OSBPL9: variants seen among roughly 807,000 people sequenced by gnomAD.
The protein encoded by OSBPL9 is oxysterol-binding protein-related protein 9.
In OSBPL9, 40 loss-of-function variants were observed where a neutral mutation model predicts 106.6. The ratio of observed to expected loss-of-function variants is 0.38; its 90% confidence interval spans 0.29 to 0.49. OSBPL9 has a LOEUF of 0.49. OSBPL9 is among the 20% of genes least tolerant of loss of function. OSBPL9 has a pLI of 0.97. For missense variants in OSBPL9, 609 were observed against 887.2 expected, an observed-to-expected ratio of 0.69 and a Z score of 3.98; for synonymous variants, 269 against 295.4, an observed-to-expected ratio of 0.91 and a Z score of 0.92.
chr1:51,695,634 A>G (rs1655860716), intron 3 of OSBPL9, among the ~76,000 whole-genome samples: 3 of 152,152 alleles, frequency 2.0e-5, no homozygotes, highest in African/African-American at 7.2e-5. Flanking sequence ...GGATGGGGTG[A>G]GTTTATTTAA....
rs1322033831 is a variant in OSBPL9 at position 51,768,893 on chromosome 1, A to G, written c.938+2912A>G. ...TGAAAGGGTCCAGAGTTAAGTTTTT[A>G]TGTCCAACTAACCCACTCTGTGTTC... On this transcript the variant is annotated intron_variant, in intron 12 of 23. Coordinates refer to ENST00000428468, the MANE Select transcript of OSBPL9 (RefSeq NM_024586.6). 2.6e-5 allele frequency among the ~76,000 whole-genome samples: 4 copies of G among 152,162 alleles called. No homozygotes were observed. In the East Asian group the frequency reaches 7.7e-4, roughly 29 times the overall value.
chr1:51,533,494 A>G, the OSBPL9 span, among the ~76,000 whole-genome samples: 3 of 150,052 alleles, frequency 2.0e-5, no homozygotes, highest in Non-Finnish European at 4.5e-5. Context: ...TCAAAAAAAA[A>G]AAAAAAAAGA....
intron 3 of OSBPL9, among the ~76,000 whole-genome samples, chr1:51,685,817 G>T (rs1159453708): frequency 6.6e-6 from 1 of 152,136 alleles, no homozygotes; most frequent in Non-Finnish European, 1.5e-5. Context: ...ATGTAACACT[G>T]ATACAGCGTA....
At chr1:51,518,383 C>G in the OSBPL9 span, 1 of 152,522 alleles carries the variant, frequency 6.6e-6, no homozygotes, top group Non-Finnish European at 1.5e-5. Context: ...GAGGCCGTTC[C>G]TGGCACCAAG....
At chr1:51,691,684 G>A (rs1655000716) in intron 3 of OSBPL9, among the ~76,000 whole-genome samples, 1 of 151,570 alleles carries the variant, frequency 6.6e-6, no homozygotes, top group Non-Finnish European at 1.5e-5. Flanking sequence ...CAAACATATT[G>A]TATAGTTATA....
At chr1:51,546,335 T>C in the OSBPL9 span, among the ~76,000 whole-genome samples, 1 of 152,024 alleles carries the variant, frequency 6.6e-6, no homozygotes, top group African/African-American at 2.4e-5. Context: ...AAAATATTGA[T>C]GAATATAATG....
chr1:51,781,635 ATAAAT>A (rs1676412352), intron 16 of OSBPL9: 1 of 249,914 alleles, frequency 4.0e-6, no homozygotes, highest in Non-Finnish European at 7.9e-6. Flanking sequence ...TTTGTGAAAA[ATAAAT>A]TGAGAAGGGG....
chr1:51,681,141 A>G (rs1484839216), intron 3 of OSBPL9, among the ~76,000 whole-genome samples: 1 of 152,058 alleles, frequency 6.6e-6, no homozygotes, highest in Non-Finnish European at 1.5e-5. Context: ...ATGTTTTTTC[A>G]GTTTGGAATA....
At chr1:51,593,400 C>T (rs950121099) in intron 1 of OSBPL9, among the ~76,000 whole-genome samples, 2 of 152,132 alleles carry the variant, frequency 1.3e-5, no homozygotes, top group East Asian at 1.9e-4. Context: ...TTCCCACTGC[C>T]TTCAGCAAAA....
rs1670290535 is a variant in OSBPL9, at chr1:51,756,177, G to A, written c.544-143G>A. 4.5e-6 allele frequency: 3 copies of A among 665,756 alleles called. No individual in the cohort carries two copies. In the Admixed American group the frequency reaches 7.7e-5, roughly 17 times the overall value. The allele number at this position is 665,756 out of a possible 1,614,324, so 41.2% of individuals were successfully genotyped here. A position where few individuals can be genotyped will look rare whatever the true frequency, so the allele number is the denominator to read the frequency against. On this transcript the variant is annotated intron_variant, in intron 8 of 23. Coordinates refer to ENST00000428468, the MANE Select transcript of OSBPL9 (RefSeq NM_024586.6). Reference sequence around the variant, plus strand: ...TGTGTTTGGCTAAGAATGTACACATGGAATTAAAATCTTAGTGGAGGCAGA... The same window carrying A: ...TGTGTTTGGCTAAGAATGTACACATAGAATTAAAATCTTAGTGGAGGCAGA...
At chr1:51,713,257 C>A (rs1313340450) in intron 3 of OSBPL9, among the ~76,000 whole-genome samples, 1 of 152,130 alleles carries the variant, frequency 6.6e-6, no homozygotes, top group Non-Finnish European at 1.5e-5. Flanking sequence ...TCAAGTGATT[C>A]TCCTGCCTCA....
At chr1:51,695,414 T>C (rs1471897535) in intron 3 of OSBPL9, among the ~76,000 whole-genome samples, 1 of 152,164 alleles carries the variant, frequency 6.6e-6, no homozygotes, top group Admixed American at 6.5e-5. Flanking sequence ...CCCAATCTCG[T>C]TGGATTCCCA....
intron 2 of OSBPL9, among the ~76,000 whole-genome samples, chr1:51,604,182 T>C (rs1218860418): frequency 6.6e-6 from 1 of 152,200 alleles, no homozygotes; most frequent in African/African-American, 2.4e-5. Context: ...CAGGAAAATA[T>C]GGACAGGAAA....
chr1:51,567,304 G>T, the OSBPL9 span: 1 of 152,128 alleles, frequency 6.6e-6, no homozygotes, highest in Non-Finnish European at 1.5e-5. Context: ...TGAAGTCAAA[G>T]GCCATGTCTG....
the OSBPL9 span, among the ~76,000 whole-genome samples, chr1:51,552,120 C>G: frequency 6.8e-3 from 1,034 of 152,198 alleles, 13 homozygotes; most frequent in African/African-American, 0.024. Context: ...TTCCTCACAG[C>G]AAATTATGAG....
chr1:51,630,045 C>T (rs1304557208), intron 1 of OSBPL9, among the ~76,000 whole-genome samples: 1 of 151,810 alleles, frequency 6.6e-6, no homozygotes, highest in African/African-American at 2.4e-5. Flanking sequence ...TACCCTTTTT[C>T]ACAGGGGACG....
intron 1 of OSBPL9, among the ~76,000 whole-genome samples, chr1:51,645,319 T>C (rs985996734): frequency 3.3e-5 from 5 of 152,234 alleles, no homozygotes; most frequent in African/African-American, 9.6e-5. Context: ...CTCACATCCT[T>C]TGCCCATTTT....
chr1:51,521,535 G>A, the OSBPL9 span, among the ~76,000 whole-genome samples: 2 of 152,212 alleles, frequency 1.3e-5, no homozygotes, highest in South Asian at 2.1e-4. Flanking sequence ...GGAAAAGTAA[G>A]GAATTATTAC....
At chr1:51,734,619 A>G (rs997762675) in intron 4 of OSBPL9, among the ~76,000 whole-genome samples, 3 of 152,182 alleles carry the variant, frequency 2.0e-5, no homozygotes, top group Non-Finnish European at 2.9e-5. Context: ...AGAGCTGGAG[A>G]GAATTTTCAA....
Sources: gnomAD v4.1 joint callset for allele counts (sites outside exome capture counted in the v4.1 genomes callset) on GRCh38, gnomAD v4.1.1 for gene constraint, MANE v1.5 for transcripts, NCBI Gene and HGNC (gene_info 2026-07-23, HGNC 2026-07-21) for gene names.